The following SMG6 variants were observed in gnomAD, a reference collection of about 807,000 sequenced individuals.
SMG6 encodes the protein telomerase-binding protein EST1A.
A neutral mutation model predicts 142.2 loss-of-function variants in SMG6; 66 were observed. That is an observed-to-expected ratio of 0.46 (90% CI 0.38 to 0.57). The LOEUF is 0.57. Among genes scored for constraint, SMG6 ranks in the 20% least tolerant of loss-of-function variants. SMG6 has a pLI of 0.00. For synonymous variants in SMG6, 779 were observed against 702.4 expected (o/e 1.11, Z -1.72); for missense variants, 1,793 against 1,832.0 (o/e 0.98, Z 0.39).
At chr17:2,238,975 A>T (rs984292910) in intron 9 of SMG6, among the ~76,000 whole-genome samples, 1 of 152,210 alleles carries the variant, frequency 6.6e-6, no homozygotes, top group Non-Finnish European at 1.5e-5. Flanking sequence ...CTTGTTCAGC[A>T]GTAACCACGG....
At chr17:2,195,025 G>C (rs999343384) in intron 10 of SMG6, among the ~76,000 whole-genome samples, 1 of 152,164 alleles carries the variant, frequency 6.6e-6, no homozygotes, top group African/African-American at 2.4e-5. Flanking sequence ...AGAAATACTT[G>C]AGGAAGACCT....
Position 2,060,378 on chromosome 17 carries a change from G to A in SMG6, c.*1114C>T, listed in dbSNP as rs1050993340. The A allele has an allele frequency of 2.6e-5, 4 of 152,272 alleles. No homozygotes were observed. Among genetic ancestry groups the A allele is most frequent in the Admixed American group, 6.5e-5 (1 of 15,288 alleles). 9.4% of individuals were successfully genotyped at this position (152,272 alleles called of 1,614,324 possible). ...GGCAAAGCTAGAAACCAGGTTAGGC[G>A]ACGGTGCCCCAGCACTGGAATGCCT... On this transcript the variant is annotated 3_prime_UTR_variant, in exon 19 of 19. Transcript: ENST00000263073.
chr17:2,136,850 T>C (rs1441936257), intron 13 of SMG6, among the ~76,000 whole-genome samples: 3 of 151,946 alleles, frequency 2.0e-5, no homozygotes, highest in South Asian at 4.2e-4. Flanking sequence ...AAAACAGGCA[T>C]GTTCTGCTCC....
chr17:2,087,598 G>T (rs184062793), intron 13 of SMG6: 4 of 1,001,238 alleles, frequency 4.0e-6, no homozygotes, highest in Non-Finnish European at 4.8e-6. Flanking sequence ...TGAGCTTGGG[G>T]TGCCTGGTCC....
Position 2,061,467 on chromosome 17 carries a change from G to C in SMG6, c.*25C>G. On this transcript the variant is annotated 3_prime_UTR_variant, in exon 19 of 19. Transcript: ENST00000263073. ...GTGGCCTTTCAGGAACGGTTCCACG[G>C]GGGGGGGGCCCCAGTGTGGCTCCCT... The C allele has an allele frequency of 6.4e-7, 1 of 1,559,670 alleles. No individual in the cohort carries two copies. The highest frequency in any genetic ancestry group is 8.7e-7 in the Non-Finnish European group (1 of 1,151,430).
At chr17:2,136,815 C>A (rs1217372638) in intron 13 of SMG6, among the ~76,000 whole-genome samples, 1 of 150,344 alleles carries the variant, frequency 6.7e-6, no homozygotes, top group Non-Finnish European at 1.5e-5. Flanking sequence ...TTAGTATGTT[C>A]TTTTTATTAA....
intron 8 of SMG6, among the ~76,000 whole-genome samples, chr17:2,273,896 G>A (rs944494721): frequency 1.3e-5 from 2 of 152,176 alleles, no homozygotes; most frequent in Non-Finnish European, 2.9e-5. Flanking sequence ...TTTCCCTTAG[G>A]AGCAACAATC....
chr17:2,187,987 G>A (rs2072043401), intron 11 of SMG6, among the ~76,000 whole-genome samples: 1 of 152,148 alleles, frequency 6.6e-6, no homozygotes, highest in Admixed American at 6.5e-5. Flanking sequence ...CTGGTCCAGT[G>A]AGTCTCCCAT....
At chr17:2,236,220 G>A (rs142511164) in intron 10 of SMG6, 19 of 256,832 alleles carry the variant, frequency 7.4e-5, no homozygotes, top group Admixed American at 3.3e-4. Context: ...GCTGCCTTTC[G>A]CGTGGCCAGA....
At chr17:2,113,796 A>G (rs1467074850) in intron 13 of SMG6, among the ~76,000 whole-genome samples, 1 of 152,206 alleles carries the variant, frequency 6.6e-6, no homozygotes, top group East Asian at 1.9e-4. Context: ...ATCTTCATGA[A>G]ATCACTAAAT....
At chr17:2,289,683 G>C (rs2074987685) in intron 6 of SMG6, among the ~76,000 whole-genome samples, 1 of 151,984 alleles carries the variant, frequency 6.6e-6, no homozygotes, top group Non-Finnish European at 1.5e-5. Context: ...GGCTGAGGTA[G>C]GTGGATCACT....
chr17:2,274,463 G>A (rs954011265), intron 8 of SMG6, among the ~76,000 whole-genome samples: 3 of 152,128 alleles, frequency 2.0e-5, no homozygotes, highest in African/African-American at 4.8e-5. Context: ...AATAGATAAT[G>A]ATATGTAACA....
intron 10 of SMG6, among the ~76,000 whole-genome samples, chr17:2,227,510 A>G (rs1017568102): frequency 2.0e-5 from 3 of 152,220 alleles, no homozygotes; most frequent in Non-Finnish European, 4.4e-5. Flanking sequence ...ATTTACATGA[A>G]ACTCTAGAAA....
chr17:2,228,664 C>T (rs756516739), intron 10 of SMG6, among the ~76,000 whole-genome samples: 2 of 152,198 alleles, frequency 1.3e-5, no homozygotes, highest in Non-Finnish European at 2.9e-5. Context: ...TGCCTGGCCC[C>T]AAATTATATT....
At position 2,273,528 on chromosome 17, in the gene SMG6, G is replaced by A. The variant is rs573106125; in HGVS notation, c.2661+9119C>T. ...GGTGCCTGTAGTCCCAGCTACACGG[G>A]AGGCTGAGGCAGGAGAATCGTTTGA... On this transcript the variant is annotated intron_variant, in intron 8 of 18. Coordinates refer to ENST00000263073, the MANE Select transcript of SMG6 (RefSeq NM_017575.5). Among the ~76,000 whole-genome samples the A allele has an allele frequency of 4.6e-5, 7 of 152,368 alleles. No homozygotes were observed. The South Asian group carries it at 1.4e-3, about 32-fold the overall frequency.
At chr17:2,065,845 G>C (rs1228525468) in intron 16 of SMG6, among the ~76,000 whole-genome samples, 166 bp from the exon 17 acceptor site, 1 of 152,246 alleles carries the variant, frequency 6.6e-6, no homozygotes, top group Admixed American at 6.5e-5. Context: ...GTGGGGGCAA[G>C]AAGTGTCTCG....
intron 8 of SMG6, among the ~76,000 whole-genome samples, chr17:2,273,807 ACC>A (rs1188433325): frequency 6.6e-6 from 1 of 151,980 alleles, no homozygotes; most frequent in Non-Finnish European, 1.5e-5. Flanking sequence ...AAAAAAAAAA[ACC>A]CAAAAAAAGC....
At chr17:2,145,377 A>G (rs1444741289) in intron 13 of SMG6, among the ~76,000 whole-genome samples, 1 of 151,302 alleles carries the variant, frequency 6.6e-6, no homozygotes, top group East Asian at 1.9e-4. Flanking sequence ...TCAGCCTCCC[A>G]AAGTGCTGGG....
At chr17:2,273,730 G>T (rs2074589601) in intron 8 of SMG6, among the ~76,000 whole-genome samples, 1 of 152,116 alleles carries the variant, frequency 6.6e-6, no homozygotes, top group South Asian at 2.1e-4. Context: ...CTGGGAGGCA[G>T]AGGTTGCAGT....
Sources: allele counts gnomAD v4.1 joint callset (sites outside exome capture counted in the v4.1 genomes callset), GRCh38; gene constraint gnomAD v4.1.1; transcripts MANE v1.5; gene names NCBI Gene and HGNC (gene_info 2026-07-23, HGNC 2026-07-21).